PCGF6: variants seen among roughly 807,000 people sequenced by gnomAD.
PCGF6 encodes polycomb group ring finger 6.
In PCGF6, 24 loss-of-function variants were observed where a neutral mutation model predicts 45.5. That is an observed-to-expected ratio of 0.53 (90% confidence interval 0.38 to 0.74). The LOEUF is 0.74. PCGF6 is among the 30% of genes least tolerant of loss of function. PCGF6 has a pLI of 0.00. For synonymous variants in PCGF6, 152 were observed against 162.1 expected, an observed-to-expected ratio of 0.94 and a Z score of 0.47; for missense variants, 356 against 443.2, an observed-to-expected ratio of 0.80 and a Z score of 1.77.
At chr10:103,348,005 TC>T (rs5787491) in intron 3 of PCGF6, among the ~76,000 whole-genome samples, 146,803 of 152,246 alleles carry the variant, frequency 0.96, 71,024 homozygotes, top group East Asian at 1. Context: ...TTAGTATTTT[TC>T]CCTCTCTTAA....
chr10:103,306,438 G>A (rs1267551386), intron 9 of PCGF6, among the ~76,000 whole-genome samples: 1 of 152,146 alleles, frequency 6.6e-6, no homozygotes, highest in Admixed American at 6.6e-5. Flanking sequence ...ATTTCCTGCA[G>A]ACTGGATAAC....
intron 6 of PCGF6, among the ~76,000 whole-genome samples, chr10:103,344,273 CTTT>C (rs756711163): frequency 4.3e-5 from 6 of 139,498 alleles, no homozygotes; most frequent in African/African-American, 2.6e-5. Context: ...ATGACAAACA[CTTT>C]TTTTTTTTTT....
intron 6 of PCGF6, among the ~76,000 whole-genome samples, chr10:103,342,335 G>A (rs1242128743): frequency 6.6e-6 from 1 of 151,766 alleles, no homozygotes; most frequent in Non-Finnish European, 1.5e-5. Context: ...CCAGGTTCAA[G>A]TAATTCTCCC....
rs201454866 is a variant in PCGF6 at position 103,313,752 on chromosome 10, G to T, written c.996+434C>A. ...TGGCTCTAAAGCCTAATAAGTACTT[G>T]CAAGTTTTTCTTGAAATGTCCTTCT... On this transcript the variant is annotated intron_variant, in intron 9 of 9. Transcript: ENST00000369847. 2.0e-5 allele frequency among the ~76,000 whole-genome samples: 3 copies of T among 152,148 alleles called. No individual in the cohort carries two copies. The East Asian group carries it at 5.8e-4, about 29-fold the overall frequency.
intron 6 of PCGF6, among the ~76,000 whole-genome samples, chr10:103,340,179 GGAAAAA>G (rs1230706545): frequency 6.7e-5 from 1 of 14,960 alleles, no homozygotes; most frequent in Non-Finnish European, 1.7e-4. Context: ...TCTGTCTCAG[GGAAAAA>G]AAAAAAAAAA....
intron 9 of PCGF6, among the ~76,000 whole-genome samples, chr10:103,309,724 G>A (rs1298987843): frequency 3.3e-5 from 5 of 151,988 alleles, no homozygotes; most frequent in Admixed American, 3.3e-4. Flanking sequence ...GATCTCAGGA[G>A]TTCAAAACCA....
At chr10:103,316,013 TAGAGAGAGAGAGAG>T (rs5787488) in intron 8 of PCGF6, among the ~76,000 whole-genome samples, 1 of 119,502 alleles carries the variant, frequency 8.4e-6, no homozygotes, top group Admixed American at 9.3e-5. Context: ...TATATATATA[TAGAGAGAGAGAGAG>T]AGAGAGAGAG....
At chr10:103,304,105 A>G (rs1461789409) in intron 9 of PCGF6, 144 bp from the exon 10 acceptor site, 2 of 632,982 alleles carry the variant, frequency 3.2e-6, no homozygotes, top group Non-Finnish European at 5.5e-6. Context: ...TGGACCATAT[A>G]GTTTCTTATT....
intron 5 of PCGF6, among the ~76,000 whole-genome samples, chr10:103,346,617 A>C (rs1414504467): frequency 1.3e-5 from 2 of 151,910 alleles, no homozygotes; most frequent in Non-Finnish European, 2.9e-5. Flanking sequence ...CTCAAAAAAT[A>C]ATCATAATAA....
At chr10:103,326,437 A>T (rs2093218904) in intron 8 of PCGF6, 97 bp downstream of exon 8, 2 of 753,094 alleles carry the variant, frequency 2.7e-6, no homozygotes, top group African/African-American at 3.6e-5. Context: ...AACAAAAATA[A>T]CAAAAATAAT....
intron 9 of PCGF6, among the ~76,000 whole-genome samples, chr10:103,307,678 G>A (rs1024937031): frequency 2.0e-5 from 3 of 152,002 alleles, no homozygotes; most frequent in African/African-American, 7.2e-5. Context: ...TCAGCATGTT[G>A]CCCAGGCTGG....
At chr10:103,349,851 G>C (rs1029071814) in intron 1 of PCGF6, among the ~76,000 whole-genome samples, 1 of 150,644 alleles carries the variant, frequency 6.6e-6, no homozygotes, top group Admixed American at 6.6e-5. Flanking sequence ...GGGAGGCCGA[G>C]GCGGGCGGAT....
rs951017343 is a variant in PCGF6 at position 103,303,314 on chromosome 10, C to G, written c.*591G>C. ...ATGGCACAGATCATAAACTCAGAGT[C>G]TCTTCACACATAATAACAATTCATC... On this transcript the variant is annotated 3_prime_UTR_variant, in exon 10 of 10. Transcript: ENST00000369847. 1.3e-5 allele frequency: 2 copies of G among 152,304 alleles called. No homozygotes were observed. Among genetic ancestry groups the G allele is most frequent in the African/African-American group, 4.8e-5 (2 of 41,426 alleles). 9.4% of individuals were successfully genotyped at this position (152,304 alleles called of 1,614,324 possible). A position where few individuals can be genotyped will look rare whatever the true frequency, so the allele number is the denominator to read the frequency against.
chr10:103,317,589 T>C (rs1341262896), intron 8 of PCGF6, among the ~76,000 whole-genome samples: 2 of 151,876 alleles, frequency 1.3e-5, no homozygotes, highest in Admixed American at 1.3e-4. Flanking sequence ...TAGTGAGATA[T>C]GATCGTACCG....
intron 7 of PCGF6, 69 bp from the exon 8 acceptor site, chr10:103,326,701 A>C (rs1311619446): frequency 9.1e-6 from 10 of 1,103,442 alleles, no homozygotes; most frequent in Non-Finnish European, 1.3e-5. Context: ...GTATGTGTAT[A>C]TATATGTAAT....
At chr10:103,324,562 G>C (rs144650057) in intron 8 of PCGF6, among the ~76,000 whole-genome samples, 363 of 150,706 alleles carry the variant, frequency 2.4e-3, no homozygotes, top group African/African-American at 7.7e-3. Flanking sequence ...ATGGAGGCCA[G>C]CCTGACCAAC....
chr10:103,323,303 CT>C (rs892888362), intron 8 of PCGF6, among the ~76,000 whole-genome samples: 1 of 149,392 alleles, frequency 6.7e-6, no homozygotes, highest in Non-Finnish European at 1.5e-5. Flanking sequence ...CTTTCAGTCA[CT>C]TTTTTTTTTG....
At chr10:103,312,608 G>A (rs1270621204) in intron 9 of PCGF6, 2 of 153,054 alleles carry the variant, frequency 1.3e-5, no homozygotes, top group African/African-American at 4.8e-5. Flanking sequence ...AAATTTGTTT[G>A]AGAGTTCATC....
At chr10:103,319,791 A>G (rs1432132932) in intron 8 of PCGF6, among the ~76,000 whole-genome samples, 2 of 152,148 alleles carry the variant, frequency 1.3e-5, no homozygotes, top group African/African-American at 4.8e-5. Context: ...AATATCATAC[A>G]CCAAATAAGT....
Sources: allele counts gnomAD v4.1 joint callset (sites outside exome capture counted in the v4.1 genomes callset), GRCh38; gene constraint gnomAD v4.1.1; transcripts MANE v1.5; gene names NCBI Gene and HGNC (gene_info 2026-07-23, HGNC 2026-07-21).